The following PCDHGA2 variants were observed in gnomAD, a reference collection of about 807,000 sequenced individuals.
PCDHGA2 encodes the protein protocadherin gamma-A2.
A neutral mutation model predicts 59.2 loss-of-function variants in PCDHGA2; 40 were observed. The ratio of observed to expected loss-of-function variants is 0.68; its 90% confidence interval spans 0.52 to 0.88. The LOEUF is 0.88. Among genes scored for constraint, PCDHGA2 ranks in the 40% least tolerant of loss-of-function variants. PCDHGA2 has a pLI of 0.00. For missense variants in PCDHGA2, 1,226 were observed against 1,204.0 expected, an observed-to-expected ratio of 1.02 and a Z score of -0.27; for synonymous variants, 560 against 526.0, an observed-to-expected ratio of 1.06 and a Z score of -0.89.
At chr5:141,394,577 G>A (rs757579320) in intron 1 of PCDHGA2, 5 of 1,613,986 alleles carry the variant, frequency 3.1e-6, no homozygotes, top group South Asian at 1.1e-5. Context: ...GCTACCTGGT[G>A]ACCAAGGTGG....
chr5:141,374,511 T>C (rs1235970803), intron 1 of PCDHGA2: 45 of 1,611,794 alleles, frequency 2.8e-5, no homozygotes, highest in Non-Finnish European at 3.7e-5. Context: ...GTGAAAATTC[T>C]CGAAAACGCA....
intron 1 of PCDHGA2, chr5:141,387,690 C>A: frequency 1.2e-6 from 1 of 833,028 alleles, no homozygotes; most frequent in Non-Finnish European, 1.8e-6. Context: ...AGCCGCAGCG[C>A]GCTTTCCAGG....
rs757663132 is a variant in PCDHGA2 at position 141,510,991 on chromosome 5, A to G, written c.2617A>G (p.Met873Val). ...CACCCTGGGAGGGGGTGCCGGCACC[A>G]TGGGATTGAGCGCCCGCTACGGACC... is the stretch of plus-strand genomic sequence containing the variant. ...SSTLGGGAGT[M>V]GLSARYGPQF... is the part of the protein sequence containing the mutation. Residue 873 changes from methionine (M) to valine (V), a missense_variant, in exon 4 of 4, where the codon ATG becomes GTG. Coordinates refer to ENST00000394576, the MANE Select transcript of PCDHGA2 (RefSeq NM_018915.4). 1.2e-6 allele frequency: 2 copies of G among 1,614,136 alleles called. No individual in the cohort carries two copies. Among genetic ancestry groups the G allele is most frequent in the Admixed American group, 3.3e-5 (2 of 60,022 alleles).
chr5:141,399,975 G>A (rs2093929990), intron 1 of PCDHGA2: 2 of 1,612,126 alleles, frequency 1.2e-6, no homozygotes, highest in East Asian at 2.2e-5. Flanking sequence ...TCAGCCTGGG[G>A]CTGCGCACAG....
chr5:141,460,921 T>C (rs984603258), intron 1 of PCDHGA2, among the ~76,000 whole-genome samples: 4 of 151,276 alleles, frequency 2.6e-5, no homozygotes, highest in African/African-American at 9.7e-5. Flanking sequence ...TGTATATATA[T>C]ATATGTGTGT....
chr5:141,503,924 G>C (rs1282755998), intron 2 of PCDHGA2, among the ~76,000 whole-genome samples: 1 of 152,146 alleles, frequency 6.6e-6, no homozygotes, highest in Non-Finnish European at 1.5e-5. Flanking sequence ...CACACACACA[G>C]ACATTTTCAT....
At position 141,365,998 on chromosome 5, in the gene PCDHGA2, C is replaced by A. The variant is rs374639173; in HGVS notation, c.2424+24603C>A. 3.1e-6 allele frequency: 5 copies of A among 1,614,116 alleles called. No homozygotes were observed. Among genetic ancestry groups the A allele is most frequent in the Admixed American group, 3.3e-5 (2 of 60,012 alleles). On this transcript the variant is annotated intron_variant, in intron 1 of 3. Transcript: ENST00000394576. ...TGAGCCTGTTTGTGCTGGACCAGAA[C>A]GACAATACGCCTGAGATCCTGTACC...
chr5:141,393,522 G>C, intron 1 of PCDHGA2: 2 of 1,614,030 alleles, frequency 1.2e-6, no homozygotes, highest in South Asian at 2.2e-5. Flanking sequence ...GGATACAAAT[G>C]ACAATGCCCC....
rs770759647 is a variant in PCDHGA2 at position 141,393,173 on chromosome 5, A to C, written c.2424+51778A>C. 38 of 1,613,150 alleles carry C rather than the reference A, an allele frequency of 2.4e-5. No homozygotes were observed. Among genetic ancestry groups the C allele is most frequent in the Non-Finnish European group, 3.2e-5 (38 of 1,179,886 alleles). ...ATAAAGGAAAACTCTTTGGGGTAGA[A>C]ATAGAAATAATTGATATTAACGATA... On this transcript the variant is annotated intron_variant, in intron 1 of 3. Coordinates refer to ENST00000394576, the MANE Select transcript of PCDHGA2 (RefSeq NM_018915.4).
chr5:141,437,664 A>G (rs10035418), intron 1 of PCDHGA2, among the ~76,000 whole-genome samples: 45,525 of 151,942 alleles, frequency 0.3, 8,040 homozygotes, highest in African/African-American at 0.5. Context: ...AGTTTCGAAG[A>G]GATGTTGATC....
At chr5:141,510,431 G>A (rs912708135) in intron 3 of PCDHGA2, among the ~76,000 whole-genome samples, 9 of 152,132 alleles carry the variant, frequency 5.9e-5, no homozygotes, top group African/African-American at 1.9e-4. Flanking sequence ...TTTCATGGCT[G>A]CTGCCCTCCA....
intron 1 of PCDHGA2, chr5:141,342,661 A>G (rs1030605908): frequency 3.9e-5 from 6 of 152,248 alleles, no homozygotes; most frequent in African/African-American, 1.4e-4. Flanking sequence ...AGTGAATAAT[A>G]AAGTATAAAC....
chr5:141,372,452 G>A (rs757526253), intron 1 of PCDHGA2: 14 of 1,613,920 alleles, frequency 8.7e-6, no homozygotes, highest in East Asian at 6.7e-5. Flanking sequence ...ACCCTCAGGC[G>A]GAGCTACAGT....
chr5:141,345,292 T>C (rs1424887859), intron 1 of PCDHGA2: 1 of 1,613,964 alleles, frequency 6.2e-7, no homozygotes, highest in Non-Finnish European at 8.5e-7. Flanking sequence ...GAATATAACA[T>C]TAGTCTGAGA....
Position 141,475,063 on chromosome 5 carries a change from C to T in PCDHGA2, c.2425-19744C>T, listed in dbSNP as rs552623067. Among the ~76,000 whole-genome samples the T allele has an allele frequency of 1.1e-4, 16 of 152,320 alleles. No individual in the cohort carries two copies. The South Asian group carries it at 2.9e-3, about 28-fold the overall frequency. The stretch of plus-strand genomic sequence containing the variant: ...TTGTATTTTCTAAAGATTTGTGGAG[C>T]TTTGCTGCCATTATTTCAATAATTT... On this transcript the variant is annotated intron_variant, in intron 1 of 3. Coordinates refer to ENST00000394576, the MANE Select transcript of PCDHGA2 (RefSeq NM_018915.4).
chr5:141,365,052 T>G (rs1179156267), intron 1 of PCDHGA2: 2 of 1,613,872 alleles, frequency 1.2e-6, no homozygotes, highest in Admixed American at 1.7e-5. Flanking sequence ...AATGCGCCCC[T>G]GTTCACCCCA....
chr5:141,414,040 C>T, intron 1 of PCDHGA2: 2 of 1,611,438 alleles, frequency 1.2e-6, no homozygotes, highest in Non-Finnish European at 1.7e-6. Context: ...CCGAAAATTA[C>T]CTGACACGCA....
In PCDHGA2 at chr5:141,471,825, A is replaced by G. The variant is rs150400990; in HGVS notation, c.2425-22982A>G. Among the ~76,000 whole-genome samples, 61 of 152,344 alleles carry G rather than the reference A, an allele frequency of 4.0e-4. No individual in the cohort carries two copies. In the East Asian group the frequency reaches 0.011, roughly 27 times the overall value. ...ACATATAAAAGACTACCTATTTTAT[A>G]ATTCCTTTTTAATAAAATATTCAGA... On this transcript the variant is annotated intron_variant, in intron 1 of 3. Coordinates refer to ENST00000394576, the MANE Select transcript of PCDHGA2 (RefSeq NM_018915.4).
intron 1 of PCDHGA2, chr5:141,423,558 G>T: frequency 1.2e-6 from 2 of 1,613,580 alleles, no homozygotes; most frequent in Non-Finnish European, 1.7e-6. Context: ...CCAACTATGG[G>T]GACACGCTCA....
Sources: allele counts gnomAD v4.1 joint callset (sites outside exome capture counted in the v4.1 genomes callset), GRCh38; gene constraint gnomAD v4.1.1; transcripts MANE v1.5; gene names NCBI Gene and HGNC (gene_info 2026-07-23, HGNC 2026-07-21).